EDARADD: variants seen among roughly 807,000 people sequenced by gnomAD.
EDARADD encodes the protein EDAR associated via death domain.
A neutral mutation model predicts 25.6 loss-of-function variants in EDARADD; 20 were observed. The ratio of observed to expected loss-of-function variants is 0.78; its 90% CI spans 0.55 to 1.14. The LOEUF is 1.14. EDARADD is among the 50% of genes most tolerant of loss of function. EDARADD has a pLI of 0.00. For synonymous variants in EDARADD, 86 were observed against 94.4 expected (o/e 0.91, Z 0.52); for missense variants, 225 against 270.1 (o/e 0.83, Z 1.17).
chr1:236,475,353 T>G (rs979682366), intron 5 of EDARADD, among the ~76,000 whole-genome samples: 1 of 152,226 alleles, frequency 6.6e-6, no homozygotes, highest in African/African-American at 2.4e-5. Context: ...TTGCTCTGTG[T>G]TAAGTCCTCC....
At position 236,395,112 on chromosome 1, in the gene EDARADD, G is replaced by A. The variant is rs1667489308; in HGVS notation, c.61+607G>A. Among the ~76,000 whole-genome samples the A allele has an allele frequency of 6.6e-6, 1 of 152,252 alleles. No individual in the cohort carries two copies. Among genetic ancestry groups the A allele is most frequent in the Admixed American group, 6.5e-5 (1 of 15,288 alleles). The stretch of plus-strand genomic sequence containing the variant: ...GCATCTCAGCCCAGGCCTGTGTAAG[G>A]GGAGTTCTGGTGTCTCAGCTGAGGG... On this transcript the variant is annotated intron_variant, in intron 1 of 5. Transcript: ENST00000334232. The surrounding 1 kb of genome is among the most constrained non-coding windows in gnomAD (Gnocchi z 6.9).
chr1:236,397,859 A>C (rs1667545435), intron 1 of EDARADD, among the ~76,000 whole-genome samples: 1 of 151,836 alleles, frequency 6.6e-6, no homozygotes, highest in Non-Finnish European at 1.5e-5. Flanking sequence ...ACACACCCCA[A>C]TTTCCCCTTC....
intron 4 of EDARADD, among the ~76,000 whole-genome samples, chr1:236,440,824 G>T (rs1288888754): frequency 2.0e-5 from 3 of 152,126 alleles, no homozygotes; most frequent in African/African-American, 7.2e-5. Flanking sequence ...TGTGTGTTCT[G>T]ACTGCTCCAA....
intron 4 of EDARADD, among the ~76,000 whole-genome samples, chr1:236,440,905 A>T (rs527702994): frequency 3.5e-4 from 53 of 152,256 alleles, no homozygotes; most frequent in Middle Eastern, 3.4e-3. Context: ...TATCGAAACT[A>T]GGCCAGTTGA....
chr1:236,471,343 C>T (rs578004000), intron 5 of EDARADD, among the ~76,000 whole-genome samples: 104 of 152,030 alleles, frequency 6.8e-4, no homozygotes, highest in African/African-American at 2.4e-3. Context: ...AAGCGGCTAA[C>T]ATATAACCCT....
chr1:236,438,801 C>G (rs1350641018), intron 4 of EDARADD, among the ~76,000 whole-genome samples: 1 of 152,132 alleles, frequency 6.6e-6, no homozygotes, highest in Non-Finnish European at 1.5e-5. Context: ...CATCCTGCAT[C>G]GTAACGGTGC....
intron 3 of EDARADD, among the ~76,000 whole-genome samples, chr1:236,361,884 T>G (rs1179150548): frequency 6.6e-6 from 1 of 152,000 alleles, no homozygotes; most frequent in Admixed American, 6.6e-5. Context: ...GTATACGTTT[T>G]TGTATAATTA....
intron 4 of EDARADD, among the ~76,000 whole-genome samples, chr1:236,464,099 C>T (rs531926022): frequency 1.9e-4 from 29 of 152,266 alleles, no homozygotes; most frequent in Middle Eastern, 6.8e-3. Flanking sequence ...CAACCACACG[C>T]GTGTTCTTCA....
chr1:236,385,086 A>ATTTTTTTTTTTTT (rs1293083838), intron 3 of EDARADD, among the ~76,000 whole-genome samples: 1 of 76,540 alleles, frequency 1.3e-5, no homozygotes, highest in African/African-American at 5.8e-5. Flanking sequence ...ATGCCTTTTG[A>ATTTTTTTTTTTTT]TTCTTTTTTT....
chr1:236,466,215 G>T (rs950077282), intron 4 of EDARADD, among the ~76,000 whole-genome samples: 2 of 152,140 alleles, frequency 1.3e-5, no homozygotes, highest in African/African-American at 4.8e-5. Context: ...ATACCTGCCC[G>T]ATCCTGCAGG....
chr1:236,471,031 C>T (rs1396703953), intron 5 of EDARADD, among the ~76,000 whole-genome samples: 1 of 152,244 alleles, frequency 6.6e-6, no homozygotes, highest in East Asian at 1.9e-4. Flanking sequence ...GCCTCCGCCA[C>T]CGCACCCAGC....
intron 3 of EDARADD, among the ~76,000 whole-genome samples, chr1:236,424,820 T>C (rs909730088): frequency 6.6e-6 from 1 of 152,140 alleles, no homozygotes; most frequent in Admixed American, 6.5e-5. Context: ...AACCCAGAGG[T>C]GGAGGGACTC....
At chr1:236,418,243 G>A (rs1302261177) in intron 3 of EDARADD, among the ~76,000 whole-genome samples, 11 of 150,288 alleles carry the variant, frequency 7.3e-5, no homozygotes, top group African/African-American at 9.8e-5. Flanking sequence ...GTGAGCCACC[G>A]CGCCCGGCCT....
At chr1:236,442,733 G>C (rs1463149249) in intron 4 of EDARADD, among the ~76,000 whole-genome samples, 1 of 152,280 alleles carries the variant, frequency 6.6e-6, no homozygotes. Flanking sequence ...CAATAAAAAA[G>C]ATTCCTTTCA....
chr1:236,437,449 C>G (rs1658286758), intron 4 of EDARADD, among the ~76,000 whole-genome samples: 1 of 152,096 alleles, frequency 6.6e-6, no homozygotes, highest in East Asian at 1.9e-4. Context: ...AGGCAGAGTT[C>G]TAGAAAGGTC....
chr1:236,428,089 C>T (rs1297482951), intron 4 of EDARADD, among the ~76,000 whole-genome samples: 1 of 151,730 alleles, frequency 6.6e-6, no homozygotes, highest in Non-Finnish European at 1.5e-5. Flanking sequence ...GAACAAAGGT[C>T]TCTGGTTTTC....
At chr1:236,352,535 A>G (rs12143612) in intron 3 of EDARADD, among the ~76,000 whole-genome samples, 52,770 of 151,964 alleles carry the variant, frequency 0.35, 9,458 homozygotes, top group African/African-American at 0.44. Context: ...CAAGAACCCC[A>G]TATCTACAAG....
intron 3 of EDARADD, among the ~76,000 whole-genome samples, chr1:236,365,633 G>A (rs1479194631): frequency 6.6e-6 from 1 of 152,102 alleles, no homozygotes; most frequent in Non-Finnish European, 1.5e-5. Context: ...TGAATCTTGG[G>A]TCTGATTTCT....
intron 3 of EDARADD, among the ~76,000 whole-genome samples, chr1:236,374,596 G>A (rs190411367): frequency 1.3e-5 from 2 of 152,176 alleles, no homozygotes; most frequent in East Asian, 3.9e-4. Flanking sequence ...GTTGTTAGGT[G>A]CATACACATT....
Sources: allele counts gnomAD v4.1 joint callset (sites outside exome capture counted in the v4.1 genomes callset), GRCh38; gene constraint gnomAD v4.1.1; non-coding constraint Gnocchi (gnomAD v3.1); transcripts MANE v1.5; gene names NCBI Gene and HGNC (gene_info 2026-07-23, HGNC 2026-07-21).